The following SPTLC3 variants were observed in gnomAD, a reference collection of about 807,000 sequenced individuals.
The protein encoded by SPTLC3 is serine palmitoyltransferase long chain base subunit 3.
SPTLC3 carries 36 observed loss-of-function variants against 59.3 expected under a neutral mutation model. The ratio of observed to expected loss-of-function variants is 0.61; its 90% CI spans 0.47 to 0.80. The LOEUF is 0.80. Ranked by LOEUF, SPTLC3 falls within the 30% of genes least tolerant of loss-of-function variation. SPTLC3 has a pLI of 0.00. For missense variants in SPTLC3, 625 were observed against 685.1 expected (o/e 0.91, Z 0.98); for synonymous variants, 257 against 240.8 (o/e 1.07, Z -0.62).
chr20:13,164,445 T>G (rs1390976086), intron 11 of SPTLC3: 1 of 499,082 alleles, frequency 2.0e-6, no homozygotes, highest in African/African-American at 2.0e-5. Flanking sequence ...AGTCACTACA[T>G]TTTAAAATAA....
chr20:13,163,287 GA>G (rs2038929927), intron 11 of SPTLC3, among the ~76,000 whole-genome samples: 1 of 147,676 alleles, frequency 6.8e-6, no homozygotes, highest in African/African-American at 2.5e-5. Context: ...AGAATCACTT[GA>G]ACCCGGGAGG....
At chr20:13,053,526 G>T (rs545218840) in intron 2 of SPTLC3, among the ~76,000 whole-genome samples, 6 of 152,090 alleles carry the variant, frequency 3.9e-5, no homozygotes, top group Non-Finnish European at 8.8e-5. Flanking sequence ...AACAAAACTG[G>T]ACGGAGAATG....
chr20:13,137,906 C>A (rs923318993), intron 9 of SPTLC3, among the ~76,000 whole-genome samples: 1 of 152,160 alleles, frequency 6.6e-6, no homozygotes, highest in African/African-American at 2.4e-5. Context: ...TCCCCCTGAG[C>A]TTTCTGCTAC....
At chr20:13,013,590 A>C (rs1985367124) in intron 1 of SPTLC3, among the ~76,000 whole-genome samples, 1 of 152,188 alleles carries the variant, frequency 6.6e-6, no homozygotes, top group Admixed American at 6.5e-5. Context: ...AGGCTTCTCC[A>C]TGAACTCCTT....
chr20:13,141,844 G>A (rs77189665), intron 9 of SPTLC3, among the ~76,000 whole-genome samples: 6,088 of 152,312 alleles, frequency 0.04, 127 homozygotes, highest in African/African-American at 0.064. Context: ...TTAATCACCT[G>A]TGCTGGGGGG....
At chr20:13,106,849 G>T (rs953990913) in intron 6 of SPTLC3, among the ~76,000 whole-genome samples, 1 of 152,166 alleles carries the variant, frequency 6.6e-6, no homozygotes, top group Non-Finnish European at 1.5e-5. Context: ...TCTAGGTTTG[G>T]AACTAGCAAA....
chr20:13,152,651 G>A (rs1257870750), intron 9 of SPTLC3, among the ~76,000 whole-genome samples: 1 of 152,174 alleles, frequency 6.6e-6, no homozygotes, highest in East Asian at 1.9e-4. Context: ...GTCCCTAGTT[G>A]TGCTCCATCA....
At chr20:13,086,366 T>C (rs1989005135) in intron 4 of SPTLC3, among the ~76,000 whole-genome samples, 2 of 152,212 alleles carry the variant, frequency 1.3e-5, no homozygotes, top group South Asian at 2.1e-4. Flanking sequence ...GATTTTTCAT[T>C]ATTCCTTTAA....
Position 13,165,150 on chromosome 20 carries a change from C to T in SPTLC3, c.*283C>T, listed in dbSNP as rs1309175576. On this transcript the variant is annotated 3_prime_UTR_variant, in exon 12 of 12. Transcript: ENST00000399002. ...TGAGAATATTTTTAATGGCAATAAG[C>T]CTGTGTTTTAGCTGCTACTGTGCAG... 3.1e-6 allele frequency: 1 copy of T among 321,920 alleles called. No homozygotes were observed. The highest frequency in any genetic ancestry group is 4.6e-5 in the Admixed American group (1 of 21,824). 19.9% of individuals were successfully genotyped at this position (321,920 alleles called of 1,614,324 possible).
chr20:13,011,450 T>C (rs550478286), intron 1 of SPTLC3, among the ~76,000 whole-genome samples: 1 of 152,298 alleles, frequency 6.6e-6, no homozygotes, highest in South Asian at 2.1e-4. Flanking sequence ...TTCCCACTTA[T>C]TTGCAACCAC....
intron 1 of SPTLC3, among the ~76,000 whole-genome samples, chr20:13,028,235 T>C (rs1986254643): frequency 6.6e-6 from 1 of 152,194 alleles, no homozygotes; most frequent in Admixed American, 6.5e-5. Context: ...AACCATGTTA[T>C]ATGATTTTTT....
chr20:13,019,000 A>G (rs1014278454), intron 1 of SPTLC3, among the ~76,000 whole-genome samples: 1 of 152,190 alleles, frequency 6.6e-6, no homozygotes, highest in African/African-American at 2.4e-5. Context: ...ATCCTCCACA[A>G]TCTACTTCAT....
At position 13,166,006 on chromosome 20, in the gene SPTLC3, G is replaced by A. The variant is rs573636413; in HGVS notation, c.*1139G>A. On this transcript the variant is annotated 3_prime_UTR_variant, in exon 12 of 12. Transcript: ENST00000399002. The stretch of plus-strand genomic sequence containing the variant: ...CTCAACATGAACACAAACCTCTATG[G>A]AAAAGTAGCCTCTTGTTAATCTGAT... 6.6e-6 allele frequency: 1 copy of A among 152,468 alleles called. No individual in the cohort carries two copies. The highest frequency in any genetic ancestry group is 2.4e-5 in the African/African-American group (1 of 41,428). 9.4% of individuals were successfully genotyped at this position (152,468 alleles called of 1,614,324 possible).
chr20:13,156,454 T>A (rs2038770313), intron 10 of SPTLC3, among the ~76,000 whole-genome samples: 1 of 152,204 alleles, frequency 6.6e-6, no homozygotes, highest in Admixed American at 6.5e-5. Flanking sequence ...AGGTTTGGAA[T>A]CAAAAAGAAA....
intron 9 of SPTLC3, among the ~76,000 whole-genome samples, chr20:13,142,652 A>T (rs1340889648): frequency 6.6e-6 from 1 of 152,188 alleles, no homozygotes; most frequent in Non-Finnish European, 1.5e-5. Context: ...GGCACAGTGT[A>T]TTCTCTGCTC....
At chr20:13,096,177 G>A (rs905003751) in intron 6 of SPTLC3, among the ~76,000 whole-genome samples, 1 of 152,088 alleles carries the variant, frequency 6.6e-6, no homozygotes, top group Non-Finnish European at 1.5e-5. Context: ...CATTGCCTGT[G>A]GAGTATAAAA....
At chr20:13,056,186 T>A (rs2122520158) in intron 2 of SPTLC3, among the ~76,000 whole-genome samples, 1 of 152,316 alleles carries the variant, frequency 6.6e-6, no homozygotes, top group Admixed American at 6.5e-5. Flanking sequence ...AGAAATGCAT[T>A]GCATTAAATA....
At chr20:13,039,274 A>G (rs1456451248) in intron 1 of SPTLC3, among the ~76,000 whole-genome samples, 1 of 151,962 alleles carries the variant, frequency 6.6e-6, no homozygotes, top group Non-Finnish European at 1.5e-5. Flanking sequence ...ATCAGTTTTT[A>G]CTTTGCACTT....
chr20:13,065,865 T>C (rs1002977476), intron 2 of SPTLC3, among the ~76,000 whole-genome samples: 1 of 149,518 alleles, frequency 6.7e-6, no homozygotes, highest in African/African-American at 2.5e-5. Context: ...ATTATAACTG[T>C]CAAGCTAATA....
Sources: allele counts gnomAD v4.1 joint callset (sites outside exome capture counted in the v4.1 genomes callset), GRCh38; gene constraint gnomAD v4.1.1; transcripts MANE v1.5; gene names NCBI Gene and HGNC (gene_info 2026-07-23, HGNC 2026-07-21).